Variants in GGT1 observed in about 807,000 individuals in gnomAD.
The protein encoded by GGT1 is gamma-glutamyltransferase 1.
GGT1 carries 21 observed loss-of-function variants against 56.0 expected under a neutral mutation model. The ratio of observed to expected loss-of-function variants is 0.38; its 90% CI spans 0.27 to 0.54. GGT1 has a LOEUF of 0.54. Among genes scored for constraint, GGT1 ranks in the 20% least tolerant of loss-of-function variants. GGT1 has a pLI of 0.82. For synonymous variants in GGT1, 238 were observed against 342.6 expected (o/e 0.69, Z 3.37); for missense variants, 466 against 787.0 (o/e 0.59, Z 4.88).
intron 9 of GGT1, among the ~76,000 whole-genome samples, chr22:24,621,691 CTATT>C (rs1263889200): frequency 2.0e-5 from 3 of 152,182 alleles, no homozygotes; most frequent in African/African-American, 4.8e-5. Context: ...CCTCCCTCCT[CTATT>C]CATTCATCAT....
intron 7 of GGT1, among the ~76,000 whole-genome samples, chr22:24,615,582 G>A (rs2047010293): frequency 6.6e-6 from 1 of 152,182 alleles, no homozygotes; most frequent in Non-Finnish European, 1.5e-5. Flanking sequence ...AGGTGGTGAA[G>A]CTAAAATTGA....
At chr22:24,625,974 C>T (rs910573247) in intron 11 of GGT1, among the ~76,000 whole-genome samples, 3 of 145,170 alleles carry the variant, frequency 2.1e-5, no homozygotes, top group Non-Finnish European at 3.0e-5. Flanking sequence ...GTTGCTGAAA[C>T]TTTATTTTAT....
At chr22:24,597,009 T>C (rs2045705091) in intron 1 of GGT1, among the ~76,000 whole-genome samples, 1 of 146,936 alleles carries the variant, frequency 6.8e-6, no homozygotes, top group South Asian at 2.2e-4. Context: ...TTTGAGACAG[T>C]CTCACTCTGT....
the GGT1 span, chr22:24,585,870 C>T: frequency 4.2e-5 from 65 of 1,559,008 alleles, no homozygotes; most frequent in Non-Finnish European, 5.5e-5. Flanking sequence ...TAGCAATGAG[C>T]CAGGTGGGTG....
rs532666474 is a variant in GGT1 at position 24,620,401 on chromosome 22, C to T, written c.456C>T (p.Pro152=). The T allele has an allele frequency of 1.0e-4, 162 of 1,611,208 alleles. 1 individual carries two copies. The African/African-American group carries it at 1.8e-3, about 18-fold the overall frequency. The change falls in exon 8 of 16, where the codon CCC becomes CCT. Residue 152 remains proline (P), a synonymous_variant. Coordinates refer to ENST00000400382, the MANE Select transcript of GGT1 (RefSeq NM_001288833.2). This position sits in a 1 kb window ranked among gnomAD's most constrained non-coding sequence, Gnocchi z 5.6. ...ELAHQRHGRL[P]WARLFQPSIQ... Reference sequence around the variant, plus strand: ...CACACCAGCGGCATGGGCGGCTGCCCTGGGCTCGCCTCTTCCAGCCCAGCA... The same window carrying T: ...CACACCAGCGGCATGGGCGGCTGCCTTGGGCTCGCCTCTTCCAGCCCAGCA...
chr22:24,591,524 G>A (rs2045567300), upstream of GGT1, among the ~76,000 whole-genome samples: 1 of 152,212 alleles, frequency 6.6e-6, no homozygotes, highest in Non-Finnish European at 1.5e-5. Flanking sequence ...GGCCAGGCAG[G>A]GGAGGCCGTG....
At chr22:24,589,821 C>G (rs369171275), upstream of GGT1, 114 of 1,612,006 alleles carry the variant, frequency 7.1e-5, no homozygotes, top group African/African-American at 1.3e-3. Flanking sequence ...CCAGCCTCAC[C>G]TTCTTGGGGC....
intron 5 of GGT1, among the ~76,000 whole-genome samples, chr22:24,611,523 C>T (rs1326768154): frequency 8.0e-6 from 1 of 124,742 alleles, no homozygotes; most frequent in African/African-American, 3.9e-5. Context: ...TCCTATCTAT[C>T]TATCTATCTA....
intron 1 of GGT1, among the ~76,000 whole-genome samples, chr22:24,596,069 C>A (rs942902635): frequency 1.5e-4 from 23 of 152,296 alleles, no homozygotes; most frequent in African/African-American, 5.3e-4. Flanking sequence ...GGGTTGTCAA[C>A]CTTCTGCAGG....
At position 24,627,341 on chromosome 22, in the gene GGT1, G is replaced by A. The variant is rs59429687; in HGVS notation, c.1021-91G>A. ...AGGTTGTGGGTGCCAGAGGGTTGCG[G>A]TCAGAGTCACAGTCAAGGGCCTTCT... On this transcript the variant is annotated intron_variant, in intron 11 of 15. Transcript: ENST00000400382. 2.7e-3 allele frequency: 3,854 copies of A among 1,431,716 alleles called. 19 individuals carry two copies. Among genetic ancestry groups the A allele is most frequent in the African/African-American group, 4.1e-3 (250 of 60,280 alleles). 88.7% of individuals were successfully genotyped at this position (1,431,716 alleles called of 1,614,324 possible).
rs2047370103 is a variant in GGT1 at position 24,620,800 on chromosome 22, C to T, written c.576-113C>T. ...AGCGCTGAGTGACAGGGCCACCCAC[C>T]TGTGACAGGCGCTGCCCCTGTTCTG... On this transcript the variant is annotated intron_variant, in intron 8 of 15. Coordinates refer to ENST00000400382, the MANE Select transcript of GGT1 (RefSeq NM_001288833.2). The surrounding 1 kb of genome is among the most constrained non-coding windows in gnomAD (Gnocchi z 5.6). 24 of 1,480,078 alleles carry T rather than the reference C, an allele frequency of 1.6e-5. No individual in the cohort carries two copies. The highest frequency in any genetic ancestry group is 2.0e-5 in the Non-Finnish European group (22 of 1,108,960). The allele number at this position is 1,480,078 out of a possible 1,614,324, so 91.7% of individuals were successfully genotyped here. A position where few individuals can be genotyped will look rare whatever the true frequency, so the allele number is the denominator to read the frequency against.
the GGT1 span, chr22:24,585,570 C>T: frequency 4.8e-6 from 2 of 416,460 alleles, no homozygotes; most frequent in Admixed American, 4.1e-5. Flanking sequence ...GCCACCCTTT[C>T]TCCCCACCCC....
intron 7 of GGT1, among the ~76,000 whole-genome samples, chr22:24,619,126 GGTGGCTCACGCCT>G (rs1387823562): frequency 6.6e-5 from 10 of 152,152 alleles, no homozygotes; most frequent in African/African-American, 2.4e-4. Flanking sequence ...GGCTGGGAAT[GGTGGCTCACGCCT>G]GTAATCCCAG....
chr22:24,583,830 T>G, the GGT1 span: 1 of 470,074 alleles, frequency 2.1e-6, no homozygotes, highest in South Asian at 1.5e-5. Flanking sequence ...TCAGTGACAA[T>G]TGAGAGTTTG....
intron 7 of GGT1, among the ~76,000 whole-genome samples, chr22:24,619,400 G>GAAAAAA (rs372709571): frequency 2.1e-5 from 2 of 96,478 alleles, no homozygotes; most frequent in African/African-American, 3.5e-5. Flanking sequence ...CTCCATCTCA[G>GAAAAAA]AAAAAAAAAA....
Position 24,605,139 on chromosome 22 carries a change from A to G in GGT1, c.-429+1612A>G, listed in dbSNP as rs1275494633. On this transcript the variant is annotated intron_variant, in intron 1 of 15. Transcript: ENST00000400382. ...TTATATAATATGTAATATATTATATAATATATAATATGTATTATATTATAT... is the reference window on the plus strand; with the variant it reads ...TTATATAATATGTAATATATTATATGATATATAATATGTATTATATTATAT... Among the ~76,000 whole-genome samples the G allele has an allele frequency of 4.4e-4, 35 of 79,020 alleles. 10 individuals are homozygous for G. Among genetic ancestry groups the G allele is most frequent in the South Asian group, 1.2e-3 (4 of 3,276 alleles). The allele number at this position is 79,020 out of a possible 152,430, so 51.8% of individuals were successfully genotyped here.
chr22:24,590,255 G>A (rs2045529537), upstream of GGT1, among the ~76,000 whole-genome samples: 1 of 152,152 alleles, frequency 6.6e-6, no homozygotes, highest in Non-Finnish European at 1.5e-5. Flanking sequence ...AGCCTCCTGA[G>A]GAGCTGGGGC....
rs183458338 is a variant in GGT1, at chr22:24,620,344, G to A, written c.399G>A (p.Ala133=). 8.3e-3 allele frequency: 13,400 copies of A among 1,611,592 alleles called. 526 individuals carry two copies. The African/African-American group carries it at 0.11, about 13-fold the overall frequency. The part of the protein sequence containing the change: ...EQSQKGGLSV[A]VPGEIRGYEL... ...TCTCCCCAGGGGGGCTGTCGGTGGC[G>A]GTGCCTGGGGAGATCCGAGGCTATG... The change falls in exon 8 of 16, where the codon GCG becomes GCA. Residue 133 remains alanine (A), a synonymous_variant. Coordinates refer to ENST00000400382, the MANE Select transcript of GGT1 (RefSeq NM_001288833.2). This position sits in a 1 kb window ranked among gnomAD's most constrained non-coding sequence, Gnocchi z 5.6.
chr22:24,586,192 C>G, the GGT1 span: 1 of 1,613,706 alleles, frequency 6.2e-7, no homozygotes, highest in African/African-American at 1.3e-5. Flanking sequence ...TGCCGTTGAG[C>G]AGGAGCTGGG....
Sources: gnomAD v4.1 joint callset for allele counts (sites outside exome capture counted in the v4.1 genomes callset) on GRCh38, gnomAD v4.1.1 for gene constraint, Gnocchi (gnomAD v3.1) non-coding constraint, MANE v1.5 for transcripts, NCBI Gene and HGNC (gene_info 2026-07-23, HGNC 2026-07-21) for gene names.